The following MSRA variants were observed in gnomAD, a reference collection of about 807,000 sequenced individuals.
The protein encoded by MSRA is mitochondrial peptide methionine sulfoxide reductase.
MSRA carries 54 observed loss-of-function variants against 31.3 expected under a neutral mutation model. The observed-to-expected ratio is 1.73, with a 90% CI of 1.39 to 2.17. The LOEUF (loss-of-function observed/expected upper bound fraction) is 2.17. MSRA is among the 30% of genes most tolerant of loss of function. The pLI, the probability that MSRA is intolerant of heterozygous loss-of-function variation, is 0.00. For synonymous variants in MSRA, 169 were observed against 116.5 expected (o/e 1.45, Z -2.90); for missense variants, 507 against 300.9 (o/e 1.69, Z -5.07).
chr8:10,241,254 G>A (rs1351480885), intron 2 of MSRA, among the ~76,000 whole-genome samples: 1 of 152,072 alleles, frequency 6.6e-6, no homozygotes, highest in Non-Finnish European at 1.5e-5. Context: ...TCTGGGACTG[G>A]GGTAGGAAAT....
At chr8:10,373,584 C>T (rs1805595527) in intron 5 of MSRA, among the ~76,000 whole-genome samples, 1 of 152,212 alleles carries the variant, frequency 6.6e-6, no homozygotes, top group Admixed American at 6.5e-5. Flanking sequence ...CTTTGTGGGC[C>T]CCATGGGGGA....
chr8:10,376,359 T>A (rs1400788994), intron 5 of MSRA, among the ~76,000 whole-genome samples: 4 of 152,218 alleles, frequency 2.6e-5, no homozygotes, highest in African/African-American at 7.2e-5. Context: ...GGACTGCGCC[T>A]GTATTTTTAA....
chr8:10,167,335 A>C (rs1013516136), intron 1 of MSRA, among the ~76,000 whole-genome samples: 2 of 152,256 alleles, frequency 1.3e-5, no homozygotes, highest in Non-Finnish European at 2.9e-5. Flanking sequence ...AACCAATCAC[A>C]TAATGATCTT....
intron 1 of MSRA, among the ~76,000 whole-genome samples, chr8:10,187,593 A>G (rs1052425027): frequency 6.6e-6 from 1 of 152,226 alleles, no homozygotes; most frequent in African/African-American, 2.4e-5. Context: ...TCTGAGAAAT[A>G]AATAGGTGGG....
At chr8:10,325,147 G>A (rs925755753) in intron 5 of MSRA, among the ~76,000 whole-genome samples, 11 of 152,122 alleles carry the variant, frequency 7.2e-5, no homozygotes, top group African/African-American at 2.4e-4. Context: ...TTCTCACTCC[G>A]ATCCAGGGAA....
chr8:10,181,293 G>A lies in MSRA; in HGVS notation c.143-26540G>A, dbSNP rs1160474874. Among the ~76,000 whole-genome samples, 3 of 152,300 alleles carry A rather than the reference G, an allele frequency of 2.0e-5. No individual in the cohort carries two copies. In the East Asian group the frequency reaches 5.8e-4, roughly 29 times the overall value. On this transcript the variant is annotated intron_variant, in intron 1 of 5. Transcript: ENST00000317173. ...GTAGAAACCTGCATGAAGTCAGAAA[G>A]TGAAATATCTGCAGGAGAAATGTTC...
chr8:10,397,963 A>G (rs1430380906), intron 5 of MSRA, among the ~76,000 whole-genome samples: 1 of 152,222 alleles, frequency 6.6e-6, no homozygotes, highest in Non-Finnish European at 1.5e-5. Context: ...AAAGCCTTGA[A>G]CTTGGGCTAT....
intron 1 of MSRA, among the ~76,000 whole-genome samples, chr8:10,059,742 G>C (rs552434936): frequency 6.6e-6 from 1 of 152,246 alleles, no homozygotes; most frequent in South Asian, 2.1e-4. Flanking sequence ...TCATATCATA[G>C]GTGAAGGACC....
intron 5 of MSRA, among the ~76,000 whole-genome samples, chr8:10,414,287 G>A (rs1484870418): frequency 6.6e-6 from 1 of 152,228 alleles, no homozygotes; most frequent in Admixed American, 6.5e-5. Context: ...AGAGACATGT[G>A]TAAGTAAACA....
intron 1 of MSRA, among the ~76,000 whole-genome samples, chr8:10,099,012 T>A (rs1361012212): frequency 6.6e-6 from 1 of 152,206 alleles, no homozygotes; most frequent in Non-Finnish European, 1.5e-5. Flanking sequence ...AGCATGGCCC[T>A]TTGAAAGAAG....
chr8:10,270,367 C>A, intron 3 of MSRA, among the ~76,000 whole-genome samples: 1 of 150,648 alleles, frequency 6.6e-6, no homozygotes. Flanking sequence ...TATTCGTTTT[C>A]CATAGAAATT....
chr8:10,267,436 C>T (rs1798804439), intron 3 of MSRA, among the ~76,000 whole-genome samples: 1 of 151,720 alleles, frequency 6.6e-6, no homozygotes, highest in Non-Finnish European at 1.5e-5. Flanking sequence ...TTTTTCTTCC[C>T]CCAGTTCTTG....
chr8:10,397,093 T>C (rs1430228689), intron 5 of MSRA, among the ~76,000 whole-genome samples: 1 of 152,238 alleles, frequency 6.6e-6, no homozygotes, highest in African/African-American at 2.4e-5. Flanking sequence ...TTTGTGCCTT[T>C]GTTTTAGCAA....
chr8:10,120,707 A>T (rs1203795511), intron 1 of MSRA, among the ~76,000 whole-genome samples: 1 of 152,194 alleles, frequency 6.6e-6, no homozygotes. Context: ...AATTAAAGCG[A>T]AGCCTGGTGA....
chr8:10,187,941 T>G (rs13257383), intron 1 of MSRA, among the ~76,000 whole-genome samples: 21,507 of 152,224 alleles, frequency 0.14, 2,512 homozygotes, highest in East Asian at 0.51. Context: ...ACTTTGAACA[T>G]TATGCTGTGG....
chr8:10,356,815 T>C (rs1210848738), intron 5 of MSRA, among the ~76,000 whole-genome samples: 1 of 150,942 alleles, frequency 6.6e-6, no homozygotes, highest in East Asian at 1.9e-4. Flanking sequence ...CAGTCCATGG[T>C]ATGTTGTTAC....
intron 5 of MSRA, among the ~76,000 whole-genome samples, chr8:10,324,586 G>T (rs561263073): frequency 3.3e-5 from 5 of 152,190 alleles, no homozygotes; most frequent in Admixed American, 6.5e-5. Flanking sequence ...ATCCTGGTGA[G>T]CAATAGAGCT....
chr8:10,248,114 G>A lies in MSRA; in HGVS notation c.331+2891G>A, dbSNP rs1420124941. Among the ~76,000 whole-genome samples the A allele has an allele frequency of 5.9e-5, 9 of 152,120 alleles. 1 individual carries two copies. Among genetic ancestry groups the A allele is most frequent in the African/African-American group, 2.2e-4 (9 of 41,392 alleles). On this transcript the variant is annotated intron_variant, in intron 3 of 5. Coordinates refer to ENST00000317173, the MANE Select transcript of MSRA (RefSeq NM_012331.5). ...CAAACAAACAAACAAAAACCCCAAG[G>A]CTCTGGTAAGATGCATAGTAATTGC...
At chr8:10,119,174 T>C (rs1031376303) in intron 1 of MSRA, among the ~76,000 whole-genome samples, 2 of 152,262 alleles carry the variant, frequency 1.3e-5, no homozygotes, top group African/African-American at 2.4e-5. Context: ...AAACATGTGA[T>C]AGCGAATTAA....
Sources: gnomAD v4.1 joint callset for allele counts (sites outside exome capture counted in the v4.1 genomes callset) on GRCh38, gnomAD v4.1.1 for gene constraint, MANE v1.5 for transcripts, NCBI Gene and HGNC (gene_info 2026-07-23, HGNC 2026-07-21) for gene names.